NRG2: variants seen among roughly 807,000 people sequenced by gnomAD.
NRG2 encodes the protein pro-neuregulin-2, membrane-bound isoform.
In NRG2, 27 loss-of-function variants were observed where a neutral mutation model predicts 73.9. The ratio of observed to expected loss-of-function variants is 0.37; its 90% CI spans 0.27 to 0.50. The LOEUF is 0.50. Ranked by LOEUF, NRG2 falls within the 20% of genes least tolerant of loss-of-function variation. The pLI is 0.96. For synonymous variants in NRG2, 532 were observed against 541.0 expected (o/e 0.98, Z 0.23); for missense variants, 1,126 against 1,210.1 (o/e 0.93, Z 1.03).
chr5:140,005,178 G>C (rs1758794112), intron 1 of NRG2, among the ~76,000 whole-genome samples: 2 of 152,138 alleles, frequency 1.3e-5, no homozygotes, highest in Non-Finnish European at 2.9e-5. Flanking sequence ...ATTTGAAAGG[G>C]AAAGCCCCAA....
intron 1 of NRG2, among the ~76,000 whole-genome samples, chr5:139,907,991 G>A (rs73271455): frequency 0.024 from 3,727 of 152,344 alleles, 168 homozygotes; most frequent in African/African-American, 0.086. Flanking sequence ...CGACAATCCT[G>A]TGAGGGAGGT....
At chr5:139,942,943 C>A (rs1561697260) in intron 1 of NRG2, among the ~76,000 whole-genome samples, 1 of 152,108 alleles carries the variant, frequency 6.6e-6, no homozygotes, top group African/African-American at 2.4e-5. Flanking sequence ...TAGTTTCAAG[C>A]AATTCTCCCA....
At chr5:139,879,116 C>T (rs1763369269) in intron 3 of NRG2, among the ~76,000 whole-genome samples, 1 of 152,070 alleles carries the variant, frequency 6.6e-6, no homozygotes, top group African/African-American at 2.4e-5. Flanking sequence ...TAAAATATAT[C>T]CTGGCTTTGA....
rs956119901 is a variant in NRG2, at chr5:140,042,926, CCTGCTG to C, written c.138_143del (p.Ser46_Ser47del). 6.5e-7 allele frequency: 1 copy of C among 1,533,032 alleles called. No individual in the cohort carries two copies. Among genetic ancestry groups the C allele is most frequent in the African/African-American group, 1.4e-5 (1 of 72,702 alleles). 95.0% of individuals were successfully genotyped at this position (1,533,032 alleles called of 1,614,324 possible). A position where few individuals can be genotyped will look rare whatever the true frequency, so the allele number is the denominator to read the frequency against. On this transcript the variant is annotated inframe_deletion, in exon 1 of 10. Transcript: ENST00000361474. ...AGATGCTGCTGTTGTTGCTGCTGCTCCTGCTGCTGCTGCCGCTCTCGCTGCTGCTGC... is the reference window on the plus strand; with the variant it reads ...AGATGCTGCTGTTGTTGCTGCTGCTCCTGCTGCCGCTCTCGCTGCTGCTGC...
intron 1 of NRG2, among the ~76,000 whole-genome samples, chr5:140,025,781 G>T (rs1020055364): frequency 1.3e-5 from 2 of 152,202 alleles, no homozygotes; most frequent in Non-Finnish European, 2.9e-5. Flanking sequence ...AGCAGTTGCT[G>T]GTTAACTTAC....
chr5:140,007,151 T>A (rs1277934067), intron 1 of NRG2, among the ~76,000 whole-genome samples: 1 of 152,098 alleles, frequency 6.6e-6, no homozygotes, highest in Non-Finnish European at 1.5e-5. Flanking sequence ...CCCAAGATAG[T>A]ACCCCATAAC....
intron 1 of NRG2, chr5:140,019,694 A>G (rs1760071354): frequency 6.6e-6 from 1 of 152,166 alleles, no homozygotes; most frequent in African/African-American, 2.4e-5. Context: ...AGGTTCTTAG[A>G]TGCAAAATTG....
intron 1 of NRG2, among the ~76,000 whole-genome samples, chr5:140,026,974 G>A (rs1005808879): frequency 1.3e-5 from 2 of 152,086 alleles, no homozygotes; most frequent in African/African-American, 2.4e-5. Context: ...AAGTCCTTCC[G>A]TGGGTCTTTT....
At chr5:139,967,400 T>C (rs1755614425) in intron 1 of NRG2, among the ~76,000 whole-genome samples, 3 of 152,168 alleles carry the variant, frequency 2.0e-5, no homozygotes, top group Admixed American at 1.3e-4. Context: ...AGGACAAGTG[T>C]CCTTTTCCTC....
At chr5:139,900,599 T>C (rs192315881) in intron 1 of NRG2, among the ~76,000 whole-genome samples, 59 of 152,316 alleles carry the variant, frequency 3.9e-4, no homozygotes, top group African/African-American at 1.1e-3. Context: ...TTGTTTTGTT[T>C]TGTTTTTTCC....
chr5:140,029,743 T>C (rs1279087964), intron 1 of NRG2, among the ~76,000 whole-genome samples: 23 of 148,982 alleles, frequency 1.5e-4, no homozygotes, highest in Admixed American at 1.5e-3. Context: ...TATGAACAGA[T>C]GAAATCTTCA....
At chr5:140,014,500 G>A (rs958501822) in intron 1 of NRG2, among the ~76,000 whole-genome samples, 1 of 152,142 alleles carries the variant, frequency 6.6e-6, no homozygotes, top group African/African-American at 2.4e-5. Context: ...GCCTCCCAAA[G>A]TGCCGGGATT....
intron 6 of NRG2, among the ~76,000 whole-genome samples, chr5:139,855,135 C>A (rs1761723456): frequency 6.6e-6 from 1 of 152,170 alleles, no homozygotes; most frequent in African/African-American, 2.4e-5. Flanking sequence ...CCTTCTCTGT[C>A]CTTTTGTCTC....
At chr5:139,981,867 C>T (rs1202331829) in intron 1 of NRG2, among the ~76,000 whole-genome samples, 1 of 152,206 alleles carries the variant, frequency 6.6e-6, no homozygotes, top group Non-Finnish European at 1.5e-5. Flanking sequence ...TGCCCTCCTC[C>T]CTGGAGCCTG....
intron 1 of NRG2, among the ~76,000 whole-genome samples, chr5:140,024,256 AT>A (rs34481367): frequency 0.021 from 2,956 of 143,678 alleles, 29 homozygotes; most frequent in African/African-American, 0.026. Context: ...GAGTAAAACA[AT>A]TTTTTTTTTT....
chr5:139,961,877 T>C (rs1454500129), intron 1 of NRG2, among the ~76,000 whole-genome samples: 2 of 152,196 alleles, frequency 1.3e-5, no homozygotes, highest in Non-Finnish European at 2.9e-5. Flanking sequence ...TGGCATTAGC[T>C]TGGGGACATG....
At chr5:140,026,609 C>T (rs1760708690) in intron 1 of NRG2, among the ~76,000 whole-genome samples, 1 of 151,390 alleles carries the variant, frequency 6.6e-6, no homozygotes, top group Non-Finnish European at 1.5e-5. Context: ...AAGATCTCTT[C>T]TCCAGAAAAA....
chr5:139,923,974 T>C (rs961391670), intron 1 of NRG2, among the ~76,000 whole-genome samples: 1 of 152,244 alleles, frequency 6.6e-6, no homozygotes, highest in African/African-American at 2.4e-5. Flanking sequence ...AGACTGGCTC[T>C]GACAGCTCTA....
intron 1 of NRG2, among the ~76,000 whole-genome samples, chr5:139,974,118 C>A (rs1054798168): frequency 6.6e-6 from 1 of 152,144 alleles, no homozygotes; most frequent in Non-Finnish European, 1.5e-5. Flanking sequence ...TCCTCCCTGG[C>A]CCTTTTTGCT....
Sources: gnomAD v4.1 joint callset for allele counts (sites outside exome capture counted in the v4.1 genomes callset) on GRCh38, gnomAD v4.1.1 for gene constraint, MANE v1.5 for transcripts, NCBI Gene and HGNC (gene_info 2026-07-23, HGNC 2026-07-21) for gene names.